GPATCH2: variants seen among roughly 807,000 people sequenced by gnomAD.
GPATCH2 encodes the protein G patch domain-containing protein 2.
In GPATCH2, 51 loss-of-function variants were observed where a neutral mutation model predicts 58.0. The observed-to-expected ratio is 0.88, with a 90% CI of 0.70 to 1.11. The LOEUF (loss-of-function observed/expected upper bound fraction) is 1.11, where lower values mean the gene tolerates loss of function less well. GPATCH2 is among the 50% of genes most tolerant of loss of function. The pLI is 0.00. For missense variants in GPATCH2, 625 were observed against 652.2 expected, an observed-to-expected ratio of 0.96 and a Z score of 0.45; for synonymous variants, 222 against 218.5, an observed-to-expected ratio of 1.02 and a Z score of -0.14.
At chr1:217,626,348 A>C (rs1669453941) in intron 1 of GPATCH2, among the ~76,000 whole-genome samples, 1 of 152,210 alleles carries the variant, frequency 6.6e-6, no homozygotes, top group Non-Finnish European at 1.5e-5. Flanking sequence ...TCACAAACTT[A>C]ACACAAAGAT....
At chr1:217,480,459 T>C (rs1308712767) in intron 8 of GPATCH2, among the ~76,000 whole-genome samples, 2 of 152,132 alleles carry the variant, frequency 1.3e-5, no homozygotes, top group Admixed American at 6.5e-5. Context: ...CTCACCCCAG[T>C]TGAAATGGCT....
rs147294774 is a variant in GPATCH2 at position 217,438,216 on chromosome 1, C to A, written c.1367-6851G>T. On this transcript the variant is annotated intron_variant, in intron 9 of 9. Coordinates refer to ENST00000366935, the MANE Select transcript of GPATCH2 (RefSeq NM_018040.5). ...AACAAAAATGACGTCTGCACAGAAA[C>A]CCCATCTGAAGGTCACCAACATCAA... Among the ~76,000 whole-genome samples, 588 of 152,252 alleles carry A rather than the reference C, an allele frequency of 3.9e-3. 1 individual carries two copies. Among genetic ancestry groups the A allele is most frequent in the African/African-American group, 0.013 (547 of 41,552 alleles).
intron 1 of GPATCH2, among the ~76,000 whole-genome samples, chr1:217,629,342 C>G (rs536426003): frequency 6.6e-6 from 1 of 152,256 alleles, no homozygotes; most frequent in South Asian, 2.1e-4. Context: ...CTAAGTGCTA[C>G]CACTTTGTTA....
intron 5 of GPATCH2, among the ~76,000 whole-genome samples, chr1:217,563,782 C>T (rs1459571969): frequency 2.0e-5 from 3 of 152,104 alleles, no homozygotes; most frequent in Non-Finnish European, 4.4e-5. Context: ...CAGTGGCTCA[C>T]GCCTATAATC....
At chr1:217,466,545 A>C (rs570755700) in intron 8 of GPATCH2, among the ~76,000 whole-genome samples, 144 of 152,148 alleles carry the variant, frequency 9.5e-4, no homozygotes, top group African/African-American at 3.3e-3. Context: ...GACAATAAAA[A>C]GTATATAGGA....
chr1:217,523,910 A>C (rs1351501817), intron 5 of GPATCH2, among the ~76,000 whole-genome samples: 29 of 96,786 alleles, frequency 3.0e-4, no homozygotes, highest in Admixed American at 8.1e-4. Flanking sequence ...GCTGACCCCC[A>C]CACCTCCCTC....
chr1:217,496,634 T>C (rs560900650), intron 7 of GPATCH2, among the ~76,000 whole-genome samples: 2 of 152,314 alleles, frequency 1.3e-5, no homozygotes, highest in African/African-American at 2.4e-5. Context: ...TATAATGCTG[T>C]TGGCCCTGAG....
chr1:217,521,594 A>G (rs1255975543), intron 5 of GPATCH2, among the ~76,000 whole-genome samples: 2 of 152,164 alleles, frequency 1.3e-5, no homozygotes, highest in African/African-American at 2.4e-5. Flanking sequence ...ACTAACAAGA[A>G]TAACAAACGG....
intron 5 of GPATCH2, among the ~76,000 whole-genome samples, chr1:217,553,305 T>C (rs1357539587): frequency 6.6e-6 from 1 of 152,142 alleles, no homozygotes; most frequent in Non-Finnish European, 1.5e-5. Flanking sequence ...TACGTAATTA[T>C]AGGGGCTTCA....
chr1:217,593,737 A>G (rs1558510159), intron 5 of GPATCH2, among the ~76,000 whole-genome samples: 1 of 151,060 alleles, frequency 6.6e-6, no homozygotes, highest in South Asian at 2.1e-4. Context: ...AAATTTTTCT[A>G]TGTTTTCGGC....
At chr1:217,610,137 T>A (rs574659944) in intron 5 of GPATCH2, 184 bp downstream of exon 5, 2 of 1,551,826 alleles carry the variant, frequency 1.3e-6, no homozygotes, top group South Asian at 2.4e-5. Flanking sequence ...CGTAACTAAT[T>A]TATTAGCATT....
chr1:217,523,844 G>A (rs1346756730), intron 5 of GPATCH2, among the ~76,000 whole-genome samples: 2 of 147,164 alleles, frequency 1.4e-5, no homozygotes, highest in Non-Finnish European at 3.0e-5. Flanking sequence ...GGCTGGCCGG[G>A]CGGGGGGCTG....
chr1:217,460,158 A>G (rs1457987834), intron 8 of GPATCH2, among the ~76,000 whole-genome samples: 1 of 152,170 alleles, frequency 6.6e-6, no homozygotes, highest in Non-Finnish European at 1.5e-5. Context: ...CCTCATAAAA[A>G]CCCATTACAT....
At chr1:217,478,991 A>AG (rs150288493) in intron 8 of GPATCH2, among the ~76,000 whole-genome samples, 12,057 of 152,070 alleles carry the variant, frequency 0.079, 689 homozygotes, top group Non-Finnish European at 0.12. Context: ...AAAATGCTAA[A>AG]GGAAAAAAAA....
Position 217,430,045 on chromosome 1 carries a change from G to A in GPATCH2, c.*1100C>T, listed in dbSNP as rs1214552655. On this transcript the variant is annotated 3_prime_UTR_variant, in exon 10 of 10. Coordinates refer to ENST00000366935, the MANE Select transcript of GPATCH2 (RefSeq NM_018040.5). ...AAACTAAAAGCAATTTAGAATTTCT[G>A]ATACTATGAAGCAAATGACTCAGAA... The A allele has an allele frequency of 6.6e-6, 1 of 152,060 alleles. No homozygotes were observed. The highest frequency in any genetic ancestry group is 1.9e-4 in the East Asian group (1 of 5,192). The allele number at this position is 152,060 out of a possible 1,614,324, so 9.4% of individuals were successfully genotyped here. A position where few individuals can be genotyped will look rare whatever the true frequency, so the allele number is the denominator to read the frequency against.
At chr1:217,498,286 T>C in intron 7 of GPATCH2, 70 bp downstream of exon 7, 1 of 1,145,608 alleles carries the variant, frequency 8.7e-7, no homozygotes, top group South Asian at 1.2e-5. Context: ...TGATCTACTC[T>C]CCTGAAGGGA....
intron 5 of GPATCH2, among the ~76,000 whole-genome samples, chr1:217,592,590 C>T (rs1571978504): frequency 6.6e-6 from 1 of 151,900 alleles, no homozygotes; most frequent in East Asian, 1.9e-4. Flanking sequence ...GTTCATGAAT[C>T]ATTTATCGAA....
chr1:217,447,993 G>T (rs1659468486), intron 9 of GPATCH2, among the ~76,000 whole-genome samples: 1 of 151,888 alleles, frequency 6.6e-6, no homozygotes, highest in South Asian at 2.1e-4. Flanking sequence ...AACCACTTGG[G>T]AGGCTGAGGC....
chr1:217,607,897 G>C (rs1668436995), intron 5 of GPATCH2, among the ~76,000 whole-genome samples: 1 of 152,060 alleles, frequency 6.6e-6, no homozygotes. Flanking sequence ...GAAACCTTTT[G>C]TTGGCCTTCT....
Sources: allele counts gnomAD v4.1 joint callset (sites outside exome capture counted in the v4.1 genomes callset), GRCh38; gene constraint gnomAD v4.1.1; transcripts MANE v1.5; gene names NCBI Gene and HGNC (gene_info 2026-07-23, HGNC 2026-07-21).